The following GPC6 variants were observed in gnomAD, a reference collection of about 807,000 sequenced individuals.
GPC6 encodes the protein glypican-6.
GPC6 carries 14 observed loss-of-function variants against 55.2 expected under a neutral mutation model. That is an observed-to-expected ratio of 0.25 (90% confidence interval 0.17 to 0.40). The LOEUF (loss-of-function observed/expected upper bound fraction) is 0.40. GPC6 is among the 10% of genes least tolerant of loss of function. GPC6 has a pLI of 1.00. For missense variants in GPC6, 641 were observed against 708.5 expected, an observed-to-expected ratio of 0.90 and a Z score of 1.08; for synonymous variants, 278 against 259.6, an observed-to-expected ratio of 1.07 and a Z score of -0.68.
intron 2 of GPC6, among the ~76,000 whole-genome samples, chr13:93,750,191 A>T (rs1235625112): frequency 6.6e-6 from 1 of 152,220 alleles, no homozygotes; most frequent in East Asian, 1.9e-4. Context: ...GGGCAAAAGG[A>T]ATAAGCGATC....
chr13:93,581,121 G>C (rs1876916795), intron 2 of GPC6, among the ~76,000 whole-genome samples: 2 of 152,056 alleles, frequency 1.3e-5, no homozygotes, highest in Admixed American at 6.5e-5. Context: ...AGACACTAAA[G>C]GTCACTCATT....
chr13:94,183,459 A>T (rs564451210), intron 4 of GPC6, among the ~76,000 whole-genome samples: 1 of 152,088 alleles, frequency 6.6e-6, no homozygotes, highest in Non-Finnish European at 1.5e-5. Context: ...TTATTAATTC[A>T]TCTGTTCATG....
rs1880210495 is a variant in GPC6 at position 94,382,554 on chromosome 13, A to G, written c.1289+4A>G. ...GGAACGGGCACAGCAAAGCCAGGTG[A>G]GGGTGACTCGATGTGTGCATGGATG... is the stretch of plus-strand genomic sequence containing the variant. On this transcript the variant is annotated splice_donor_region_variant and intron_variant, in intron 7 of 8. Coordinates refer to ENST00000377047, the MANE Select transcript of GPC6 (RefSeq NM_005708.5). The G allele has an allele frequency of 6.2e-7, 1 of 1,614,102 alleles. No individual in the cohort carries two copies.
intron 6 of GPC6, among the ~76,000 whole-genome samples, chr13:94,344,704 A>G (rs1363147641): frequency 6.6e-6 from 1 of 152,212 alleles, no homozygotes. Context: ...TTGTTTGCAC[A>G]CTATTTTTAG....
At chr13:93,720,606 A>G (rs928053421) in intron 2 of GPC6, among the ~76,000 whole-genome samples, 1 of 151,840 alleles carries the variant, frequency 6.6e-6, no homozygotes, top group Admixed American at 6.6e-5. Flanking sequence ...GTCTTCTGCT[A>G]GCTTCTGAAT....
At chr13:94,228,934 G>T (rs763259601) in intron 4 of GPC6, among the ~76,000 whole-genome samples, 2 of 152,162 alleles carry the variant, frequency 1.3e-5, no homozygotes, top group East Asian at 1.9e-4. Flanking sequence ...TGCTGAAAAT[G>T]AGGAGTGTTT....
chr13:94,069,848 G>A lies in GPC6; in HGVS notation c.877+41954G>A, dbSNP rs540388626. On this transcript the variant is annotated intron_variant, in intron 4 of 8. Coordinates refer to ENST00000377047, the MANE Select transcript of GPC6 (RefSeq NM_005708.5). ...CATTATCAGCATTTTGGTCAAAGAC[G>A]TTCAACAAATCTCTAGGGAGTTCCA... Among the ~76,000 whole-genome samples, 7 of 152,204 alleles carry A rather than the reference G, an allele frequency of 4.6e-5. No homozygotes were observed. The South Asian group carries it at 1.0e-3, about 23-fold the overall frequency.
chr13:94,052,195 G>T lies in GPC6; in HGVS notation c.877+24301G>T, dbSNP rs1281022849. Among the ~76,000 whole-genome samples the T allele has an allele frequency of 3.3e-5, 5 of 152,188 alleles. No individual in the cohort carries two copies. In the East Asian group the frequency reaches 9.6e-4, roughly 29 times the overall value. On this transcript the variant is annotated intron_variant, in intron 4 of 8. Coordinates refer to ENST00000377047, the MANE Select transcript of GPC6 (RefSeq NM_005708.5). ...TTAATGTTACCTAGATAAGGGCAAA[G>T]AAGTCTTTTTATAGGAGGTAGTATT...
intron 2 of GPC6, among the ~76,000 whole-genome samples, chr13:93,625,382 T>G (rs1273002743): frequency 6.6e-6 from 1 of 152,168 alleles, no homozygotes; most frequent in African/African-American, 2.4e-5. Context: ...CATGGCCACC[T>G]TCTATGAAAA....
intron 2 of GPC6, among the ~76,000 whole-genome samples, chr13:93,635,038 A>G (rs967187821): frequency 1.3e-5 from 2 of 152,168 alleles, no homozygotes; most frequent in Admixed American, 1.3e-4. Context: ...CATAATCACT[A>G]ATAAGTCCTA....
intron 4 of GPC6, among the ~76,000 whole-genome samples, chr13:94,262,464 G>A (rs1446716729): frequency 6.6e-6 from 1 of 152,152 alleles, no homozygotes; most frequent in African/African-American, 2.4e-5. Flanking sequence ...CCTGAGGCCA[G>A]GAGTTCGAGA....
chr13:93,866,453 G>T (rs954579318), intron 3 of GPC6, among the ~76,000 whole-genome samples: 1 of 151,802 alleles, frequency 6.6e-6, no homozygotes, highest in Middle Eastern at 3.4e-3. Context: ...CAATAGCAAA[G>T]ACATGGAATC....
chr13:94,050,719 T>C (rs1300235514), intron 4 of GPC6, among the ~76,000 whole-genome samples: 1 of 152,112 alleles, frequency 6.6e-6, no homozygotes, highest in Non-Finnish European at 1.5e-5. Flanking sequence ...TTTAGGGAGA[T>C]AGGACAGGAG....
chr13:94,183,721 C>T (rs1280606189), intron 4 of GPC6, among the ~76,000 whole-genome samples: 21 of 152,170 alleles, frequency 1.4e-4, no homozygotes, highest in Admixed American at 1.4e-3. Flanking sequence ...CCCTTGCCAA[C>T]AGTAATTGTT....
At chr13:93,656,975 TTCC>T (rs1880700607) in intron 2 of GPC6, among the ~76,000 whole-genome samples, 1 of 152,062 alleles carries the variant, frequency 6.6e-6, no homozygotes, top group Non-Finnish European at 1.5e-5. Context: ...TGGTAAAACA[TTCC>T]ATGCACAAGG....
rs1175092199 is a variant in GPC6, at chr13:93,516,406, A to AAGAATG, written c.161-28856_161-28851dup. On this transcript the variant is annotated intron_variant, in intron 1 of 8. Transcript: ENST00000377047. ...TTAGAACATTCTGGAATATGCAGGGAAGAATGCCCAGAATTGTGGACCTCC... is the reference window on the plus strand; with the variant it reads ...TTAGAACATTCTGGAATATGCAGGGAAGAATGAGAATGCCCAGAATTGTGGACCTCC... Among the ~76,000 whole-genome samples the AAGAATG allele has an allele frequency of 3.9e-5, 6 of 152,240 alleles. No individual in the cohort carries two copies. The East Asian group carries it at 1.2e-3, about 29-fold the overall frequency.
At chr13:93,235,970 T>C (rs1876220516) in intron 1 of GPC6, among the ~76,000 whole-genome samples, 1 of 152,176 alleles carries the variant, frequency 6.6e-6, no homozygotes, top group South Asian at 2.1e-4. Context: ...AGATGATGGC[T>C]AGAGTTCCAG....
chr13:93,654,761 T>C (rs543371780), intron 2 of GPC6, among the ~76,000 whole-genome samples: 3 of 152,138 alleles, frequency 2.0e-5, no homozygotes, highest in Non-Finnish European at 2.9e-5. Flanking sequence ...AATATCCTTT[T>C]ATTTTCCAGT....
At chr13:93,941,334 G>T (rs538528738) in intron 3 of GPC6, among the ~76,000 whole-genome samples, 1 of 152,252 alleles carries the variant, frequency 6.6e-6, no homozygotes, top group East Asian at 1.9e-4. Flanking sequence ...AAAATGCTGT[G>T]CATGGTACAA....
Sources: gnomAD v4.1 joint callset for allele counts (sites outside exome capture counted in the v4.1 genomes callset) on GRCh38, gnomAD v4.1.1 for gene constraint, MANE v1.5 for transcripts, NCBI Gene and HGNC (gene_info 2026-07-23, HGNC 2026-07-21) for gene names.